Variants in MBD5 observed in about 807,000 individuals in gnomAD.
MBD5 encodes methyl-CpG binding domain protein 5, also known as methyl-CpG-binding domain protein 5.
Under a neutral mutation model 117.3 loss-of-function variants are expected in MBD5, and 13 were observed. The observed-to-expected ratio is 0.11, with a 90% CI of 0.07 to 0.18. The LOEUF (loss-of-function observed/expected upper bound fraction) is 0.18, where lower values mean the gene tolerates loss of function less well. Ranked by LOEUF, MBD5 falls within the 10% of genes least tolerant of loss-of-function variation. The probability of loss-of-function intolerance (pLI) is 1.00; values close to 1 mark genes in which losing one functional copy is unlikely to be tolerated. For missense variants in MBD5, 1,879 were observed against 2,093.8 expected, an observed-to-expected ratio of 0.90 and a Z score of 2.00; for synonymous variants, 727 against 766.4, an observed-to-expected ratio of 0.95 and a Z score of 0.85.
chr2:148,318,487 C>A (rs181898437), intron 3 of MBD5, among the ~76,000 whole-genome samples: 16 of 151,820 alleles, frequency 1.1e-4, no homozygotes, highest in Non-Finnish European at 2.9e-5. Flanking sequence ...GTCTATTTTT[C>A]TTTTTCTGGC....
At chr2:148,336,549 G>A (rs1490582235) in intron 3 of MBD5, among the ~76,000 whole-genome samples, 4 of 151,964 alleles carry the variant, frequency 2.6e-5, no homozygotes, top group African/African-American at 7.3e-5. Context: ...ACCACACGCG[G>A]CAAATTTTTG....
At chr2:148,072,995 A>C (rs1196353221) in intron 1 of MBD5, among the ~76,000 whole-genome samples, 1 of 152,178 alleles carries the variant, frequency 6.6e-6, no homozygotes, top group African/African-American at 2.4e-5. Flanking sequence ...AGTGATAGAC[A>C]GCTGGTGGGT....
intron 4 of MBD5, among the ~76,000 whole-genome samples, chr2:148,425,490 T>G (rs1472540821): frequency 6.6e-6 from 1 of 152,056 alleles, no homozygotes; most frequent in Non-Finnish European, 1.5e-5. Context: ...TTTCTGAAAC[T>G]ATTCCAAACA....
In MBD5 at chr2:148,233,292, C is replaced by T. The variant is rs1700031009; in HGVS notation, c.-783C>T. 1 of 152,274 alleles carries T rather than the reference C, an allele frequency of 6.6e-6. No individual in the cohort carries two copies. The highest frequency in any genetic ancestry group is 1.5e-5 in the Non-Finnish European group (1 of 68,016). 9.4% of individuals were successfully genotyped at this position (152,274 alleles called of 1,614,324 possible). On this transcript the variant is annotated 5_prime_UTR_variant, in exon 3 of 14. Coordinates refer to ENST00000642680, the MANE Select transcript of MBD5 (RefSeq NM_001378120.1). ...AATCAAGAAGAGCACACACTATTTT[C>T]CTTCATCAATCCATAGAACCCTAAT... is the stretch of plus-strand genomic sequence containing the variant.
intron 2 of MBD5, among the ~76,000 whole-genome samples, chr2:148,229,520 G>A (rs62182762): frequency 6.6e-6 from 1 of 152,050 alleles, no homozygotes; most frequent in African/African-American, 2.4e-5. Flanking sequence ...CATTTGGTGA[G>A]GTCATGTTTT....
chr2:148,033,284 A>G (rs956999022), intron 1 of MBD5, among the ~76,000 whole-genome samples: 1 of 152,210 alleles, frequency 6.6e-6, no homozygotes, highest in Non-Finnish European at 1.5e-5. Flanking sequence ...TATTTTGATT[A>G]TATTGAGAGT....
intron 4 of MBD5, among the ~76,000 whole-genome samples, chr2:148,353,635 T>C (rs146372791): frequency 3.2e-4 from 48 of 152,148 alleles, no homozygotes; most frequent in Middle Eastern, 6.8e-3. Flanking sequence ...GGTTGGAGTA[T>C]AGTAGCATAA....
intron 3 of MBD5, among the ~76,000 whole-genome samples, chr2:148,324,155 A>G (rs1702375600): frequency 6.6e-6 from 1 of 151,880 alleles, no homozygotes; most frequent in Non-Finnish European, 1.5e-5. Context: ...GTAGTTGTAG[A>G]TATGTGGCGT....
chr2:148,047,209 T>A (rs1349193330), intron 1 of MBD5, among the ~76,000 whole-genome samples: 4 of 152,222 alleles, frequency 2.6e-5, no homozygotes. Context: ...ACTTTTATGA[T>A]CATATAAGAT....
At position 148,140,863 on chromosome 2, in the gene MBD5, T is replaced by C. The variant is rs147779090; in HGVS notation, c.-924-37837T>C. On this transcript the variant is annotated intron_variant, in intron 1 of 13. Coordinates refer to ENST00000642680, the MANE Select transcript of MBD5 (RefSeq NM_001378120.1). ...CCACTGCAACCTCTGCCTCCTGGGC[T>C]CAAGCAATGCTGTCACCTCAGCCTC... 1.1e-4 allele frequency among the ~76,000 whole-genome samples: 17 copies of C among 152,026 alleles called. No homozygotes were observed. The East Asian group carries it at 2.7e-3, about 24-fold the overall frequency.
chr2:148,376,499 C>T (rs1158556073), intron 4 of MBD5, among the ~76,000 whole-genome samples: 1 of 150,404 alleles, frequency 6.6e-6, no homozygotes, highest in East Asian at 2.0e-4. Context: ...AATCTCCTGA[C>T]CTTGTGATCC....
intron 3 of MBD5, among the ~76,000 whole-genome samples, chr2:148,242,160 T>C (rs754797003): frequency 1.1e-4 from 16 of 152,136 alleles, no homozygotes; most frequent in South Asian, 2.1e-4. Flanking sequence ...TGTGAAAATA[T>C]ACGTAAAGCA....
Position 148,469,363 on chromosome 2 carries a change from A to T in MBD5, c.1420A>T (p.Met474Leu), listed in dbSNP as rs577567411. 5 of 1,613,696 alleles carry T rather than the reference A, an allele frequency of 3.1e-6. No individual in the cohort carries two copies. The East Asian group carries it at 6.7e-5, about 22-fold the overall frequency. Residue 474 changes from methionine (M) to leucine (L), a missense_variant, in exon 8 of 14, where the codon ATG becomes TTG. Met to Leu is a conservative substitution (Grantham distance 15, BLOSUM62 2). Around this residue, in one of 4 missense-constraint regions of MBD5, gnomAD observed 1,666 missense variants for 1,792.2 expected, o/e 0.93. Transcript: ENST00000642680. ...STSSDHGNFM[M>L]PPVGPQATSS... is the part of the protein sequence containing the mutation. ...ATCATCAGATCATGGAAATTTCATGATGCCACCTGTAGGACCCCAGGCCAC... is the reference window on the plus strand; with the variant it reads ...ATCATCAGATCATGGAAATTTCATGTTGCCACCTGTAGGACCCCAGGCCAC...
rs188771338 is a variant in MBD5, at chr2:148,430,417, T to A, written c.-556-27786T>A. ...TGCTAATTTTTTCAATTTCATATGT[T>A]GTTTTTTTAAAAAATGTGTATCTAT... On this transcript the variant is annotated intron_variant, in intron 4 of 13. Coordinates refer to ENST00000642680, the MANE Select transcript of MBD5 (RefSeq NM_001378120.1). Among the ~76,000 whole-genome samples the A allele has an allele frequency of 3.3e-5, 5 of 152,280 alleles. No homozygotes were observed. The East Asian group carries it at 7.7e-4, about 23-fold the overall frequency.
intron 2 of MBD5, among the ~76,000 whole-genome samples, chr2:148,232,325 A>T (rs1574169722): frequency 6.6e-6 from 1 of 152,290 alleles, no homozygotes; most frequent in Non-Finnish European, 1.5e-5. Flanking sequence ...TAAAAATGTC[A>T]TTCTGTTGCT....
At chr2:148,143,231 C>T (rs533890854) in intron 1 of MBD5, among the ~76,000 whole-genome samples, 1 of 152,238 alleles carries the variant, frequency 6.6e-6, no homozygotes, top group South Asian at 2.1e-4. Flanking sequence ...TTTCATTATA[C>T]CTGGTTTTGC....
chr2:148,095,408 C>A (rs959643603), intron 1 of MBD5, among the ~76,000 whole-genome samples: 1 of 151,976 alleles, frequency 6.6e-6, no homozygotes, highest in African/African-American at 2.4e-5. Context: ...AGCTGACCAC[C>A]TCATATTTTG....
intron 4 of MBD5, among the ~76,000 whole-genome samples, chr2:148,422,893 T>C (rs933890020): frequency 6.6e-6 from 1 of 152,026 alleles, no homozygotes; most frequent in South Asian, 2.1e-4. Flanking sequence ...TAAAAAAGAA[T>C]GAAAAGAAAC....
intron 4 of MBD5, among the ~76,000 whole-genome samples, chr2:148,440,303 T>G (rs1706280370): frequency 6.6e-6 from 1 of 152,226 alleles, no homozygotes. Flanking sequence ...TAGTTCACTG[T>G]TTTTCTGATT....
Sources: allele counts gnomAD v4.1 joint callset (sites outside exome capture counted in the v4.1 genomes callset), GRCh38; gene constraint gnomAD v4.1.1; regional missense constraint gnomAD v4.1.1; transcripts MANE v1.5; gene names NCBI Gene and HGNC (gene_info 2026-07-23, HGNC 2026-07-21).